PIWIL3: variants seen among roughly 807,000 people sequenced by gnomAD.
PIWIL3 encodes piwi-like protein 3.
PIWIL3 carries 101 observed loss-of-function variants against 109.7 expected under a neutral mutation model. That is an observed-to-expected ratio of 0.92 (90% CI 0.78 to 1.09). The LOEUF is 1.09. PIWIL3 is among the 50% of genes least tolerant of loss of function. PIWIL3 has a pLI of 0.00. For missense variants in PIWIL3, 1,031 were observed against 1,072.6 expected, an observed-to-expected ratio of 0.96 and a Z score of 0.54; for synonymous variants, 373 against 376.4, an observed-to-expected ratio of 0.99 and a Z score of 0.10.
At chr22:24,748,821 GTC>G in intron 12 of PIWIL3, 84 bp downstream of exon 12, 1 of 1,012,042 alleles carries the variant, frequency 9.9e-7, no homozygotes, top group South Asian at 1.5e-5. Flanking sequence ...AGCAGTCGTA[GTC>G]ATTACTGAGA....
rs142951647 is a variant in PIWIL3, at chr22:24,719,801, C to T, written c.2452G>A (p.Asp818Asn). ...VIYDTIGLSP[D>N]TVQRLTYCLC... ...CAATATGTTAAACGCTGTACTGTAT[C>T]TGGGCTCAAGCCAATCGTGTCATAG... The change falls in exon 20 of 21, where the codon GAT (aspartate) becomes AAT (asparagine). Residue 818 changes from aspartate to asparagine, a missense_variant. Asp to Asn is a conservative substitution (Grantham distance 23). Coordinates refer to ENST00000616349, the MANE Select transcript of PIWIL3 (RefSeq NM_001255975.1). 7.3e-5 allele frequency: 117 copies of T among 1,613,100 alleles called. No individual in the cohort carries two copies. Among genetic ancestry groups the T allele is most frequent in the Non-Finnish European group, 9.9e-5 (117 of 1,179,076 alleles).
At position 24,754,186 on chromosome 22, in the gene PIWIL3, T is replaced by C. The variant is rs1924876679; in HGVS notation, c.805A>G (p.Thr269Ala). 1 of 1,613,860 alleles carries C rather than the reference T, an allele frequency of 6.2e-7. No individual in the cohort carries two copies. The highest frequency in any genetic ancestry group is 1.3e-5 in the African/African-American group (1 of 74,902). The part of the protein sequence containing the change: ...TSLEIWLGYV[T>A]SVLQYENSIT... ...CTGTTTTCGTATTGAAGAACAGAAG[T>C]AACATAACCAAGCCAGATTTCCAAA... Residue 269 changes from threonine (T) to alanine (A), a missense_variant, in exon 8 of 21, where the codon ACT becomes GCT. By Grantham distance (58) the Thr-to-Ala change is moderately conservative. Coordinates refer to ENST00000616349, the MANE Select transcript of PIWIL3 (RefSeq NM_001255975.1).
chr22:24,763,809 A>G (rs900933823), intron 1 of PIWIL3, among the ~76,000 whole-genome samples: 3 of 138,044 alleles, frequency 2.2e-5, no homozygotes, highest in Admixed American at 2.1e-4. Context: ...CCTGAGTGGG[A>G]CCTCCGCCCA....
At position 24,755,789 on chromosome 22, in the gene PIWIL3, A is replaced by G. The variant is rs1490088562; in HGVS notation, c.687T>C (p.Phe229=). The change falls in exon 6 of 21, where the codon TTT becomes TTC. Residue 229 remains phenylalanine (F), a synonymous_variant. Transcript: ENST00000616349. The stretch of plus-strand genomic sequence containing the variant: ...ACTCAACCCCGGTAACATACCTTCT[A>G]AAGAGAATGTTGTAATAGCGTAGGC... ...PDCLRYYNIL[F]RRTFKLLDFE... The G allele has an allele frequency of 6.2e-7, 1 of 1,613,946 alleles. No individual in the cohort carries two copies. The highest frequency in any genetic ancestry group is 2.2e-5 in the East Asian group (1 of 44,888).
Position 24,728,281 on chromosome 22 carries a change from C to T in PIWIL3, c.1801G>A (p.Val601Met). The T allele has an allele frequency of 6.2e-7, 1 of 1,614,198 alleles. No homozygotes were observed. Residue 601 changes from valine to methionine, a missense_variant, in exon 15 of 21, where the codon GTG becomes ATG. Transcript: ENST00000616349. ...TKCPIPSQCV[V>M]KKTLEKVQAR... ...TGGACTTTTTCTAAGGTCTTTTTCA[C>T]CACACACTGGCTTGGAATTGGGCAT...
At chr22:24,774,194 C>T (rs1926293681) in intron 1 of PIWIL3, 128 bp downstream of exon 1, 1 of 152,134 alleles carries the variant, frequency 6.6e-6, no homozygotes, top group Admixed American at 6.6e-5. Context: ...GACGTGTTTC[C>T]TCTCCTCTTG....
At chr22:24,761,488 T>C (rs8137801) in intron 2 of PIWIL3, among the ~76,000 whole-genome samples, 12,294 of 152,108 alleles carry the variant, frequency 0.081, 634 homozygotes, top group African/African-American at 0.13. Flanking sequence ...GAAGGTTTCT[T>C]GATGAATGGG....
chr22:24,761,948 C>T (rs111300475), intron 2 of PIWIL3: 72 of 986,422 alleles, frequency 7.3e-5, no homozygotes, highest in East Asian at 4.5e-4. Context: ...GGCCCCGCAG[C>T]GCCACTATGG....
chr22:24,757,780 G>C (rs1219534912), intron 4 of PIWIL3, 128 bp downstream of exon 4: 1 of 1,143,144 alleles, frequency 8.7e-7, no homozygotes, highest in Non-Finnish European at 1.2e-6. Flanking sequence ...CCAGGAGTTT[G>C]AGGCTAAAGT....
intron 16 of PIWIL3, 126 bp from the exon 17 acceptor site, chr22:24,725,641 T>A: frequency 1.1e-6 from 1 of 895,466 alleles, no homozygotes; most frequent in Non-Finnish European, 1.7e-6. Flanking sequence ...AATTCATATC[T>A]CTACGGAGAT....
In PIWIL3 at chr22:24,760,935, G is replaced by A. The variant is rs550038227; in HGVS notation, c.103-946C>T. Among the ~76,000 whole-genome samples, 11 of 152,226 alleles carry A rather than the reference G, an allele frequency of 7.2e-5. 1 individual carries two copies. In the East Asian group the frequency reaches 1.5e-3, roughly 21 times the overall value. ...GGCCAGAGGCCAGGATAGGGGTGGT[G>A]AGAAATTGTCTGATACTGGATAGTT... On this transcript the variant is annotated intron_variant, in intron 2 of 20. Transcript: ENST00000616349.
At chr22:24,741,974 T>C (rs2147678866) in intron 12 of PIWIL3, among the ~76,000 whole-genome samples, 1 of 152,152 alleles carries the variant, frequency 6.6e-6, no homozygotes, top group African/African-American at 2.4e-5. Flanking sequence ...TGTTTGCTGA[T>C]GATATGATTG....
At chr22:24,759,639 T>C (rs1005136767) in intron 3 of PIWIL3, among the ~76,000 whole-genome samples, 7 of 152,224 alleles carry the variant, frequency 4.6e-5, no homozygotes, top group Admixed American at 2.0e-4. Flanking sequence ...TATGTTGAAC[T>C]GGCCAATAAA....
chr22:24,756,105 TTTAC>T (rs1316526693), intron 5 of PIWIL3, among the ~76,000 whole-genome samples, 200 bp from the exon 6 acceptor site: 1 of 152,140 alleles, frequency 6.6e-6, no homozygotes. Context: ...GTCGAAATAT[TTTAC>T]TTAAGCTCCT....
Position 24,735,763 on chromosome 22 carries a change from C to T in PIWIL3, c.1579G>A (p.Gly527Ser), listed in dbSNP as rs1294962915. 1.2e-6 allele frequency: 2 copies of T among 1,613,924 alleles called. No individual in the cohort carries two copies. Among genetic ancestry groups the T allele is most frequent in the East Asian group, 2.2e-5 (1 of 44,864 alleles). The change falls in exon 13 of 21, where the codon GGT (glycine) becomes AGT (serine). Residue 527 changes from glycine to serine, a missense_variant. Physicochemically the swap from Gly to Ser is moderately conservative, Grantham distance 56. Coordinates refer to ENST00000616349, the MANE Select transcript of PIWIL3 (RefSeq NM_001255975.1). ...GGGGCTGTGACACTCTGTAGATGACCCTTTAAGGACATGGCTTCTCTGTGA... is the reference window on the plus strand; with the variant it reads ...GGGGCTGTGACACTCTGTAGATGACTCTTTAAGGACATGGCTTCTCTGTGA... The part of the protein sequence containing the change: ...SSHREAMSLK[G>S]HLQSVTAPMG...
At chr22:24,729,468 A>G (rs1923206526) in intron 14 of PIWIL3, among the ~76,000 whole-genome samples, 1 of 152,186 alleles carries the variant, frequency 6.6e-6, no homozygotes, top group Non-Finnish European at 1.5e-5. Flanking sequence ...AAGTAGTAGT[A>G]TCCCCATTTT....
chr22:24,755,747 G>A (rs779906904), intron 6 of PIWIL3, 37 bp downstream of exon 6: 26 of 1,611,332 alleles, frequency 1.6e-5, no homozygotes, highest in Middle Eastern at 1.6e-4. Context: ...TAAAACAACC[G>A]AATGAGTATC....
intron 1 of PIWIL3, among the ~76,000 whole-genome samples, 200 bp downstream of exon 1, chr22:24,774,122 T>G (rs1926290019): frequency 6.6e-6 from 1 of 152,144 alleles, no homozygotes; most frequent in South Asian, 2.1e-4. Context: ...ATTTTAAAAC[T>G]TTTTTTCCTT....
At chr22:24,729,244 T>G (rs1923187578) in intron 14 of PIWIL3, among the ~76,000 whole-genome samples, 3 of 152,074 alleles carry the variant, frequency 2.0e-5, no homozygotes, top group Non-Finnish European at 4.4e-5. Flanking sequence ...TCGGGCCCCC[T>G]CTCTGCTGCA....
Sources: allele counts gnomAD v4.1 joint callset (sites outside exome capture counted in the v4.1 genomes callset), GRCh38; gene constraint gnomAD v4.1.1; transcripts MANE v1.5; gene names NCBI Gene and HGNC (gene_info 2026-07-23, HGNC 2026-07-21).